The following COL4A5 variants were observed in gnomAD, a reference collection of about 807,000 sequenced individuals.
COL4A5 encodes the protein collagen alpha-5(IV) chain.
COL4A5 carries 26 observed loss-of-function variants against 130.2 expected under a neutral mutation model. The ratio of observed to expected loss-of-function variants is 0.20; its 90% confidence interval spans 0.15 to 0.28. The LOEUF (loss-of-function observed/expected upper bound fraction) is 0.28. COL4A5 is among the 10% of genes least tolerant of loss of function. The pLI is 1.00. For missense variants in COL4A5, 1,131 were observed against 1,344.3 expected (o/e 0.84, Z 2.48); for synonymous variants, 496 against 439.6 (o/e 1.13, Z -1.60).
intron 1 of COL4A5, among the ~76,000 whole-genome samples, chrX:108,461,407 A>G (rs1047662289): frequency 9.8e-5 from 11 of 111,716 alleles, no homozygotes; most frequent in Non-Finnish European, 1.3e-4. Flanking sequence ...TCTGATTTCC[A>G]TGAGGCATTG....
In COL4A5 at chrX:108,580,747, T is replaced by C. The variant is rs779787322; in HGVS notation, c.891+9T>C. 8.3e-6 allele frequency: 10 copies of C among 1,200,189 alleles called. No individual in the cohort carries two copies. The highest frequency in any genetic ancestry group is 1.1e-5 in the Non-Finnish European group (10 of 886,499). On this transcript the variant is annotated intron_variant, in intron 15 of 52. Coordinates refer to ENST00000328300, the MANE Select transcript of COL4A5 (RefSeq NM_033380.3). ...GAGAGCCAGGCAAAAGAGTAAGTGA[T>C]GTAACTGCTAATATTCTTTGCAAAA...
At chrX:108,490,010 C>T (rs1036015628) in intron 1 of COL4A5, among the ~76,000 whole-genome samples, 8 of 110,849 alleles carry the variant, frequency 7.2e-5, no homozygotes, top group Admixed American at 3.8e-4. Context: ...TAGAGAGATC[C>T]CTTATACACT....
intron 41 of COL4A5, among the ~76,000 whole-genome samples, chrX:108,669,334 G>T (rs1322865919): frequency 8.9e-6 from 1 of 112,092 alleles, no homozygotes; most frequent in African/African-American, 3.2e-5. Context: ...TTCTTTGAAA[G>T]TCTCTGACAT....
intron 9 of COL4A5, among the ~76,000 whole-genome samples, chrX:108,575,120 G>A (rs1406948632): frequency 9.0e-6 from 1 of 111,430 alleles, no homozygotes; most frequent in Non-Finnish European, 1.9e-5. Flanking sequence ...AAAAATCCAT[G>A]ATTTATATCT....
chrX:108,651,116 G>A (rs902581980), intron 36 of COL4A5, among the ~76,000 whole-genome samples: 6 of 111,386 alleles, frequency 5.4e-5, no homozygotes, highest in Non-Finnish European at 7.5e-5. Flanking sequence ...TATATGAAAT[G>A]TCCAGAATAG....
At chrX:108,554,687 C>A (rs1311886010) in intron 2 of COL4A5, among the ~76,000 whole-genome samples, 1 of 111,017 alleles carries the variant, frequency 9.0e-6, no homozygotes, top group Non-Finnish European at 1.9e-5. Flanking sequence ...ATGGTGAAAC[C>A]CTGTCTCTAC....
At chrX:108,472,273 G>A (rs964572943) in intron 1 of COL4A5, among the ~76,000 whole-genome samples, 1 of 111,435 alleles carries the variant, frequency 9.0e-6, no homozygotes, top group Non-Finnish European at 1.9e-5. Context: ...TTGTGTCTTA[G>A]AGAATGTTAC....
At chrX:108,665,473 T>A in intron 37 of COL4A5, 34 bp from the exon 38 acceptor site, 1 of 1,036,594 alleles carries the variant, frequency 9.6e-7, no homozygotes, top group Non-Finnish European at 1.4e-6. Context: ...AATGCAGTTT[T>A]TCTTTCATTT....
intron 19 of COL4A5, among the ~76,000 whole-genome samples, chrX:108,587,694 A>G (rs752235778): frequency 1.8e-5 from 2 of 111,522 alleles, no homozygotes; most frequent in South Asian, 3.7e-4. Context: ...AAGAACCTCC[A>G]TACTTTTTTT....
At chrX:108,491,893 A>G (rs967251058) in intron 1 of COL4A5, among the ~76,000 whole-genome samples, 1 of 111,442 alleles carries the variant, frequency 9.0e-6, no homozygotes, top group African/African-American at 3.3e-5. Context: ...GGGGTGGAGG[A>G]GAGATTTGTG....
At chrX:108,568,922 T>C in intron 6 of COL4A5, 101 bp downstream of exon 6, 1 of 697,882 alleles carries the variant, frequency 1.4e-6, no homozygotes, top group Non-Finnish European at 2.3e-6. Flanking sequence ...GGATATAGTG[T>C]CTTCAGGTCT....
chrX:108,474,240 A>G (rs999457277), intron 1 of COL4A5, among the ~76,000 whole-genome samples: 8 of 111,678 alleles, frequency 7.2e-5, no homozygotes, highest in Non-Finnish European at 1.3e-4. Context: ...TGCCCTATAC[A>G]GGTGTACCAT....
chrX:108,615,100 T>C (rs1247911319), intron 30 of COL4A5, 76 bp downstream of exon 30: 1 of 714,337 alleles, frequency 1.4e-6, no homozygotes, highest in Non-Finnish European at 2.2e-6. Flanking sequence ...AAGTGAAACC[T>C]ACAAAACAGT....
At chrX:108,614,801 G>A in intron 29 of COL4A5, 110 bp from the exon 30 acceptor site, 2 of 546,874 alleles carry the variant, frequency 3.7e-6, no homozygotes, top group Non-Finnish European at 6.5e-6. Flanking sequence ...TACTTTTCTT[G>A]CTGAATGAAT....
intron 1 of COL4A5, among the ~76,000 whole-genome samples, chrX:108,483,205 G>A (rs2147530141): frequency 1.0e-5 from 1 of 96,899 alleles, no homozygotes; most frequent in South Asian, 4.8e-4. Flanking sequence ...AATAGGATAT[G>A]TGTGTGTGTG....
At chrX:108,516,310 A>G (rs1298595332) in intron 1 of COL4A5, among the ~76,000 whole-genome samples, 2 of 112,252 alleles carry the variant, frequency 1.8e-5, no homozygotes, top group Non-Finnish European at 3.8e-5. Context: ...CATAGGAGAC[A>G]TTCCAGACAT....
intron 22 of COL4A5, among the ~76,000 whole-genome samples, 154 bp downstream of exon 22, chrX:108,595,755 A>G (rs895679820): frequency 8.9e-6 from 1 of 112,889 alleles, no homozygotes; most frequent in African/African-American, 3.2e-5. Context: ...TATCAAATTA[A>G]TTATGCTCTT....
intron 1 of COL4A5, 40 bp from the exon 2 acceptor site, chrX:108,539,706 T>G (rs766665906): frequency 8.9e-7 from 1 of 1,128,592 alleles, no homozygotes; most frequent in East Asian, 3.0e-5. Flanking sequence ...ATTTTTGGGT[T>G]CATATTTAAT....
At chrX:108,496,602 T>C (rs2065037141) in intron 1 of COL4A5, among the ~76,000 whole-genome samples, 1 of 111,773 alleles carries the variant, frequency 8.9e-6, no homozygotes, top group Non-Finnish European at 1.9e-5. Context: ...CTTCATATTT[T>C]TTCTGTTAAT....
Sources: allele counts gnomAD v4.1 joint callset (sites outside exome capture counted in the v4.1 genomes callset), GRCh38; gene constraint gnomAD v4.1.1; transcripts MANE v1.5; gene names NCBI Gene and HGNC (gene_info 2026-07-23, HGNC 2026-07-21).